Variants in NRXN3 observed in about 807,000 individuals in gnomAD.
NRXN3 encodes neurexin III.
A neutral mutation model predicts 137.6 loss-of-function variants in NRXN3; 32 were observed. That is an observed-to-expected ratio of 0.23 (90% CI 0.18 to 0.31). The LOEUF (loss-of-function observed/expected upper bound fraction) is 0.31. NRXN3 is among the 10% of genes least tolerant of loss of function. The pLI is 1.00. For missense variants in NRXN3, 1,574 were observed against 2,062.5 expected, an observed-to-expected ratio of 0.76 and a Z score of 4.59; for synonymous variants, 798 against 784.5, an observed-to-expected ratio of 1.02 and a Z score of -0.29.
At chr14:78,465,220 G>T (rs1215859588) in intron 4 of NRXN3, among the ~76,000 whole-genome samples, 1 of 151,986 alleles carries the variant, frequency 6.6e-6, no homozygotes, top group Non-Finnish European at 1.5e-5. Context: ...GATGAAAAGG[G>T]TTACGGAGAA....
chr14:79,617,917 C>CAAAAAAAAAAAAAAAAAAAA lies in NRXN3; in HGVS notation c.3445-45846_3445-45845insAAAAAAAAAAAAAAAAAAAA, dbSNP rs1162153685. The stretch of plus-strand genomic sequence containing the variant: ...TTCAGAGATAGGAGCTGAATAGCAG[C>CAAAAAAAAAAAAAAAAAAAA]AAAAAAAAAAAAAAACATGCTTATG... On this transcript the variant is annotated intron_variant, in intron 16 of 20. Transcript: ENST00000335750. Among the ~76,000 whole-genome samples the CAAAAAAAAAAAAAAAAAAAA allele has an allele frequency of 2.2e-3, 199 of 91,254 alleles. 10 individuals carry two copies. Among genetic ancestry groups the CAAAAAAAAAAAAAAAAAAAA allele is most frequent in the East Asian group, 0.014 (39 of 2,888 alleles). The allele number at this position is 91,254 out of a possible 152,430, so 59.9% of individuals were successfully genotyped here.
At position 78,645,087 on chromosome 14, in the gene NRXN3, T is replaced by C. The variant is rs2097673951; in HGVS notation, c.758-33T>C. The C allele has an allele frequency of 3.3e-6, 5 of 1,506,428 alleles. No individual in the cohort carries two copies. The East Asian group carries it at 1.2e-4, about 37-fold the overall frequency. 93.3% of individuals were successfully genotyped at this position (1,506,428 alleles called of 1,614,324 possible). ...ATAGGTCTGACTCTTGCCAGACAAG[T>C]GCTGATTGCTTTCCTCTTTTCTTTT... On this transcript the variant is annotated intron_variant, in intron 4 of 20. Transcript: ENST00000335750.
chr14:79,131,195 G>A (rs575042625), intron 15 of NRXN3, among the ~76,000 whole-genome samples: 27 of 152,154 alleles, frequency 1.8e-4, no homozygotes, highest in Admixed American at 1.2e-3. Flanking sequence ...GTCATTCTCC[G>A]TCCAGCTTTG....
chr14:78,366,871 A>G (rs999297452), intron 4 of NRXN3, among the ~76,000 whole-genome samples: 1 of 152,214 alleles, frequency 6.6e-6, no homozygotes, highest in African/African-American at 2.4e-5. Flanking sequence ...AAGCCATATC[A>G]TTGGTGTATT....
chr14:79,338,010 G>C (rs1324990125), intron 15 of NRXN3, among the ~76,000 whole-genome samples: 2 of 152,018 alleles, frequency 1.3e-5, no homozygotes, highest in Admixed American at 1.3e-4. Context: ...CTATGCTGGG[G>C]AATGTAAAGT....
At chr14:79,415,283 T>C (rs1010518998) in intron 15 of NRXN3, among the ~76,000 whole-genome samples, 5 of 152,154 alleles carry the variant, frequency 3.3e-5, no homozygotes, top group African/African-American at 1.2e-4. Flanking sequence ...CATTTATGAA[T>C]TCAACCAACT....
chr14:79,132,788 G>C (rs1035739788), intron 15 of NRXN3, among the ~76,000 whole-genome samples: 4 of 152,222 alleles, frequency 2.6e-5, no homozygotes, highest in Non-Finnish European at 5.9e-5. Flanking sequence ...TTTTTAAGGA[G>C]TTCCCTGGGG....
intron 8 of NRXN3, among the ~76,000 whole-genome samples, chr14:78,741,984 T>C (rs2098577794): frequency 6.6e-6 from 1 of 152,178 alleles, no homozygotes; most frequent in Admixed American, 6.5e-5. Flanking sequence ...GTTGGTGTCT[T>C]TGAACCCTTA....
chr14:79,799,289 G>A (rs2099169875), intron 19 of NRXN3, among the ~76,000 whole-genome samples: 2 of 152,112 alleles, frequency 1.3e-5, no homozygotes, highest in Admixed American at 1.3e-4. Flanking sequence ...TATAGGACTT[G>A]GCTAATATAT....
At chr14:79,713,603 A>ATGTAGTT (rs1256854047) in intron 19 of NRXN3, among the ~76,000 whole-genome samples, 1 of 130,942 alleles carries the variant, frequency 7.6e-6, no homozygotes, top group Non-Finnish European at 1.7e-5. Context: ...ATACATACAT[A>ATGTAGTT]TACATATACA....
chr14:79,479,317 C>A (rs1055170512), intron 16 of NRXN3, among the ~76,000 whole-genome samples: 3 of 151,874 alleles, frequency 2.0e-5, no homozygotes, highest in Non-Finnish European at 2.9e-5. Context: ...TTGTGTCTAT[C>A]AGCCCATTTG....
intron 2 of NRXN3, among the ~76,000 whole-genome samples, chr14:78,262,258 G>A (rs1475451730): frequency 6.6e-6 from 1 of 152,142 alleles, no homozygotes; most frequent in Non-Finnish European, 1.5e-5. Flanking sequence ...AGTGATGGAT[G>A]GATGGATAGA....
chr14:78,468,431 A>G (rs1021263480), intron 4 of NRXN3, among the ~76,000 whole-genome samples: 1 of 151,950 alleles, frequency 6.6e-6, no homozygotes, highest in Non-Finnish European at 1.5e-5. Context: ...GCTTTGCTCC[A>G]TGTGTTTTCT....
chr14:79,750,528 C>A (rs536706706), intron 19 of NRXN3, among the ~76,000 whole-genome samples: 12 of 152,144 alleles, frequency 7.9e-5, no homozygotes, highest in Non-Finnish European at 1.5e-4. Context: ...CTATGACATA[C>A]TTTGTGAATT....
intron 16 of NRXN3, among the ~76,000 whole-genome samples, chr14:79,537,882 G>A (rs1567429739): frequency 6.6e-6 from 1 of 152,148 alleles, no homozygotes; most frequent in Non-Finnish European, 1.5e-5. Flanking sequence ...CTTCCACAAT[G>A]GTTGAACTAG....
chr14:79,733,964 G>A (rs1268890690), intron 19 of NRXN3, among the ~76,000 whole-genome samples: 1 of 152,078 alleles, frequency 6.6e-6, no homozygotes, highest in Non-Finnish European at 1.5e-5. Context: ...CATGACTCTA[G>A]CTAGCTTCAG....
chr14:79,810,101 C>A (rs1315540370), intron 20 of NRXN3, among the ~76,000 whole-genome samples: 1 of 151,924 alleles, frequency 6.6e-6, no homozygotes, highest in African/African-American at 2.4e-5. Context: ...CTTGGATGAG[C>A]TTTTGTATAA....
intron 4 of NRXN3, among the ~76,000 whole-genome samples, chr14:78,320,119 C>T (rs1209555448): frequency 2.0e-5 from 3 of 152,180 alleles, no homozygotes; most frequent in Non-Finnish European, 4.4e-5. Context: ...GCTGTATCAA[C>T]AGCTGTAAGT....
intron 10 of NRXN3, among the ~76,000 whole-genome samples, chr14:78,817,182 G>A (rs971456642): frequency 6.6e-6 from 1 of 152,146 alleles, no homozygotes; most frequent in Non-Finnish European, 1.5e-5. Flanking sequence ...CAAATAGCCT[G>A]GGTTCAACAC....
Sources: allele counts gnomAD v4.1 joint callset (sites outside exome capture counted in the v4.1 genomes callset), GRCh38; gene constraint gnomAD v4.1.1; transcripts MANE v1.5; gene names NCBI Gene and HGNC (gene_info 2026-07-23, HGNC 2026-07-21).